FRYL: variants seen among roughly 807,000 people sequenced by gnomAD.
FRYL encodes FRY like transcription coactivator, also known as protein furry homolog-like.
In FRYL, 150 loss-of-function variants were observed where a neutral mutation model predicts 351.2. The observed-to-expected ratio is 0.43, with a 90% CI of 0.37 to 0.49. FRYL has a LOEUF of 0.49. Among genes scored for constraint, FRYL ranks in the 20% least tolerant of loss-of-function variants. The probability of loss-of-function intolerance (pLI) is 0.00; values close to 1 mark genes in which losing one functional copy is unlikely to be tolerated. For synonymous variants in FRYL, 1,153 were observed against 1,257.1 expected (o/e 0.92, Z 1.75); for missense variants, 3,036 against 3,619.3 (o/e 0.84, Z 4.13).
At chr4:48,649,149 G>C (rs1161850763) in intron 3 of FRYL, among the ~76,000 whole-genome samples, 1 of 151,918 alleles carries the variant, frequency 6.6e-6, no homozygotes, top group Non-Finnish European at 1.5e-5. Context: ...TTCAACAAAT[G>C]GTATTATTTC....
intron 1 of FRYL, among the ~76,000 whole-genome samples, chr4:48,759,312 C>G (rs915137351): frequency 6.6e-6 from 1 of 152,058 alleles, no homozygotes; most frequent in Non-Finnish European, 1.5e-5. Context: ...AAAAGGAAAA[C>G]TAGATGTGTT....
At chr4:48,660,534 T>G (rs191309199) in intron 3 of FRYL, among the ~76,000 whole-genome samples, 1 of 152,198 alleles carries the variant, frequency 6.6e-6, no homozygotes, top group Admixed American at 6.5e-5. Flanking sequence ...CCCACATGAA[T>G]AGCTCCAATA....
At chr4:48,720,907 C>T (rs1165375968) in intron 1 of FRYL, among the ~76,000 whole-genome samples, 3 of 152,176 alleles carry the variant, frequency 2.0e-5, no homozygotes, top group Non-Finnish European at 1.5e-5. Context: ...AGATTTGGAA[C>T]ACTCAAATTA....
chr4:48,550,759 C>T (rs1461549013), intron 37 of FRYL, 55 bp from the exon 38 acceptor site: 11 of 1,201,410 alleles, frequency 9.2e-6, no homozygotes, highest in Middle Eastern at 1.9e-4. Context: ...GGTATTTATA[C>T]TTTATGTTTC....
intron 32 of FRYL, among the ~76,000 whole-genome samples, 189 bp from the exon 33 acceptor site, chr4:48,561,825 G>T (rs1735569046): frequency 6.6e-6 from 1 of 152,122 alleles, no homozygotes; most frequent in Admixed American, 6.5e-5. Context: ...GACTAGCCTG[G>T]CCAACATAGC....
chr4:48,604,297 G>T (rs1012909747), intron 11 of FRYL, among the ~76,000 whole-genome samples: 8 of 152,178 alleles, frequency 5.3e-5, no homozygotes, highest in African/African-American at 1.9e-4. Context: ...GAATGTTCCA[G>T]GCAGAAGGAG....
intron 53 of FRYL, 86 bp downstream of exon 53, chr4:48,527,391 C>T: frequency 1.8e-6 from 2 of 1,111,356 alleles, no homozygotes; most frequent in South Asian, 1.9e-5. Flanking sequence ...TTACACTGAC[C>T]TCAATAAGGA....
chr4:48,705,922 T>C (rs1018185893), intron 2 of FRYL, among the ~76,000 whole-genome samples: 3 of 152,042 alleles, frequency 2.0e-5, no homozygotes, highest in Non-Finnish European at 4.4e-5. Context: ...CTGCAACCTC[T>C]ACCTCCTGGG....
At chr4:48,513,995 T>C (rs1299802866) in intron 56 of FRYL, among the ~76,000 whole-genome samples, 18 of 152,174 alleles carry the variant, frequency 1.2e-4, no homozygotes, top group Non-Finnish European at 1.5e-5. Flanking sequence ...AAATCAGTAA[T>C]ATGAAAAAGG....
chr4:48,643,478 C>T (rs1002396499), intron 3 of FRYL, among the ~76,000 whole-genome samples: 1 of 152,128 alleles, frequency 6.6e-6, no homozygotes, highest in African/African-American at 2.4e-5. Flanking sequence ...CTAAAGGTAT[C>T]CAGCAGCCAG....
At chr4:48,527,868 C>T (rs910371047) in intron 52 of FRYL, 103 bp downstream of exon 52, 17 of 1,057,900 alleles carry the variant, frequency 1.6e-5, no homozygotes, top group South Asian at 1.3e-4. Context: ...GAGTTAATAC[C>T]GTAAGTAAGG....
chr4:48,710,007 G>A (rs1767828359), intron 2 of FRYL, among the ~76,000 whole-genome samples: 1 of 152,114 alleles, frequency 6.6e-6, no homozygotes, highest in Non-Finnish European at 1.5e-5. Context: ...TATGTGTTCT[G>A]AGTAAATATC....
intron 18 of FRYL, 25 bp downstream of exon 18, chr4:48,589,720 T>C (rs1322842829): frequency 6.2e-7 from 1 of 1,608,870 alleles, no homozygotes; most frequent in Admixed American, 1.7e-5. Flanking sequence ...GAAATAGCAA[T>C]GAAGGCACAT....
chr4:48,521,149 C>CTGA lies in FRYL; in HGVS notation c.7587_7588insTCA (p.Glu2529_Asp2530insSer), dbSNP rs1237328805. The CTGA allele has an allele frequency of 6.2e-7, 1 of 1,613,434 alleles. No individual in the cohort carries two copies. Among genetic ancestry groups the CTGA allele is most frequent in the South Asian group, 1.1e-5 (1 of 91,004 alleles). On this transcript the variant is annotated inframe_insertion, in exon 55 of 64. Coordinates refer to ENST00000358350, the MANE Select transcript of FRYL (RefSeq NM_015030.2). ...TCTGTTGTGATGCTGCCAGTGGAAT[C>CTGA]TTCAGACTGGAGAAGTAAGTCAGGA...
intron 3 of FRYL, among the ~76,000 whole-genome samples, chr4:48,646,237 G>C (rs1206391979): frequency 6.6e-6 from 1 of 152,052 alleles, no homozygotes; most frequent in African/African-American, 2.4e-5. Flanking sequence ...TGAAAATACA[G>C]CTTATAAAAC....
intron 4 of FRYL, among the ~76,000 whole-genome samples, chr4:48,631,882 C>T (rs903267091): frequency 4.7e-5 from 7 of 149,652 alleles, no homozygotes; most frequent in Non-Finnish European, 4.4e-5. Context: ...GGTGAGATCT[C>T]ATCTCTACAA....
In FRYL at chr4:48,578,964, A is replaced by G. The variant is rs1451026868; in HGVS notation, c.2528+9T>C. On this transcript the variant is annotated intron_variant, in intron 23 of 63. Coordinates refer to ENST00000358350, the MANE Select transcript of FRYL (RefSeq NM_015030.2). ...ACATTTTTAAATTTACACTAGGAAA[A>G]TAACTTACTTTATATCGACCTGAGG... The G allele has an allele frequency of 6.4e-7, 1 of 1,568,106 alleles. No homozygotes were observed. The highest frequency in any genetic ancestry group is 2.2e-5 in the East Asian group (1 of 44,530).
intron 47 of FRYL, among the ~76,000 whole-genome samples, chr4:48,538,019 G>C (rs572425424): frequency 6.6e-6 from 1 of 152,210 alleles, no homozygotes; most frequent in South Asian, 2.1e-4. Context: ...TTCTAATCAT[G>C]TGTCACTAAA....
intron 28 of FRYL, among the ~76,000 whole-genome samples, chr4:48,566,050 C>G (rs1444459256): frequency 6.6e-6 from 1 of 152,160 alleles, no homozygotes; most frequent in Non-Finnish European, 1.5e-5. Context: ...AACACAGACA[C>G]ACCTCTGTAT....
Sources: gnomAD v4.1 joint callset for allele counts (sites outside exome capture counted in the v4.1 genomes callset) on GRCh38, gnomAD v4.1.1 for gene constraint, MANE v1.5 for transcripts, NCBI Gene and HGNC (gene_info 2026-07-23, HGNC 2026-07-21) for gene names.